Variants in CYTIP observed in about 807,000 individuals in gnomAD.
CYTIP encodes the protein cytohesin 1 interacting protein.
CYTIP carries 26 observed loss-of-function variants against 43.8 expected under a neutral mutation model. That is an observed-to-expected ratio of 0.59 (90% confidence interval 0.44 to 0.82). The LOEUF is 0.82. Ranked by LOEUF, CYTIP falls within the 40% of genes least tolerant of loss-of-function variation. The pLI is 0.00. For synonymous variants in CYTIP, 162 were observed against 162.9 expected, an observed-to-expected ratio of 0.99 and a Z score of 0.04; for missense variants, 426 against 443.1, an observed-to-expected ratio of 0.96 and a Z score of 0.35.
At chr2:157,437,011 A>G (rs929786504) in intron 1 of CYTIP, among the ~76,000 whole-genome samples, 2 of 152,196 alleles carry the variant, frequency 1.3e-5, no homozygotes, top group African/African-American at 2.4e-5. Context: ...ATCCATATGC[A>G]GAAGAAAGAA....
intron 5 of CYTIP, among the ~76,000 whole-genome samples, chr2:157,429,424 A>G (rs1685665976): frequency 6.6e-6 from 1 of 152,194 alleles, no homozygotes; most frequent in South Asian, 2.1e-4. Flanking sequence ...ACCTAGCATG[A>G]CAGGCCATTG....
At chr2:157,427,530 C>G (rs1685632701) in intron 5 of CYTIP, 110 bp from the exon 6 acceptor site, 5 of 688,826 alleles carry the variant, frequency 7.3e-6, no homozygotes. Flanking sequence ...ACATACTATA[C>G]TAAAAACGAA....
chr2:157,437,676 G>T (rs1179817989), intron 1 of CYTIP, among the ~76,000 whole-genome samples: 1 of 140,142 alleles, frequency 7.1e-6, no homozygotes, highest in Non-Finnish European at 1.5e-5. Flanking sequence ...CTCCAGCCTG[G>T]CGACAGAGTG....
intron 7 of CYTIP, among the ~76,000 whole-genome samples, chr2:157,417,091 G>A (rs745493189): frequency 6.6e-6 from 1 of 151,962 alleles, no homozygotes; most frequent in Non-Finnish European, 1.5e-5. Flanking sequence ...ACTCTAAAAT[G>A]GTTTTATTTT....
chr2:157,429,514 T>C (rs1685668139), intron 5 of CYTIP, among the ~76,000 whole-genome samples: 1 of 152,198 alleles, frequency 6.6e-6, no homozygotes, highest in Admixed American at 6.5e-5. Flanking sequence ...TCTGAGCCAT[T>C]TCCTTCCATA....
chr2:157,434,098 C>A (rs1685755510), intron 3 of CYTIP: 1 of 491,730 alleles, frequency 2.0e-6, no homozygotes, highest in African/African-American at 2.0e-5. Flanking sequence ...TGATACCAAC[C>A]TAGCTGATCA....
intron 1 of CYTIP, among the ~76,000 whole-genome samples, chr2:157,436,090 C>A (rs994296823): frequency 6.6e-6 from 1 of 152,138 alleles, no homozygotes; most frequent in African/African-American, 2.4e-5. Flanking sequence ...TTATATTTTC[C>A]TCTTTTGTTA....
At chr2:157,423,117 C>G (rs1685550572) in intron 6 of CYTIP, among the ~76,000 whole-genome samples, 1 of 150,616 alleles carries the variant, frequency 6.6e-6, no homozygotes, top group Admixed American at 6.6e-5. Context: ...AGAAAGAGCA[C>G]TATAAGATCT....
chr2:157,441,756 T>C (rs918952686), intron 1 of CYTIP, among the ~76,000 whole-genome samples: 1 of 152,168 alleles, frequency 6.6e-6, no homozygotes, highest in African/African-American at 2.4e-5. Flanking sequence ...CAGATGTGAC[T>C]CCTCCGTCTT....
At chr2:157,416,363 G>A (rs1685440692) in intron 7 of CYTIP, among the ~76,000 whole-genome samples, 1 of 152,054 alleles carries the variant, frequency 6.6e-6, no homozygotes, top group Admixed American at 6.5e-5. Context: ...AAGGTTCCAT[G>A]GTCACAAAAA....
At chr2:157,427,205 T>C (rs1685625876) in intron 6 of CYTIP, 146 bp downstream of exon 6, 1 of 639,622 alleles carries the variant, frequency 1.6e-6, no homozygotes, top group South Asian at 2.0e-5. Context: ...CCAAAGGTAA[T>C]TGTGCGGCTC....
rs748797841 is a variant in CYTIP at position 157,415,968 on chromosome 2, C to G, written c.789G>C (p.Thr263=). Residue 263 remains threonine (T), a synonymous_variant, in exon 8 of 8, where the codon ACG becomes ACC. Transcript: ENST00000264192. ...CCCTGCTGGAGTCCTCAGACACACA[C>G]GTCTGGTAGCCATCTTCACTGTCCA... ...MTMDSEDGYQ[T]CVSEDSSRGA... 3 of 1,614,242 alleles carry G rather than the reference C, an allele frequency of 1.9e-6. No individual in the cohort carries two copies. Among genetic ancestry groups the G allele is most frequent in the African/African-American group, 1.3e-5 (1 of 75,070 alleles).
At chr2:157,441,329 T>G (rs1049010889) in intron 1 of CYTIP, among the ~76,000 whole-genome samples, 1 of 152,200 alleles carries the variant, frequency 6.6e-6, no homozygotes, top group African/African-American at 2.4e-5. Flanking sequence ...TTTGGAAGAT[T>G]GTGAAATGTT....
At chr2:157,430,237 A>T (rs1293452104) in intron 5 of CYTIP, among the ~76,000 whole-genome samples, 1 of 152,120 alleles carries the variant, frequency 6.6e-6, no homozygotes, top group Non-Finnish European at 1.5e-5. Context: ...TGAAAATTGG[A>T]TCAGTTCTTC....
At chr2:157,421,758 A>G (rs1435062234) in intron 6 of CYTIP, among the ~76,000 whole-genome samples, 3 of 152,184 alleles carry the variant, frequency 2.0e-5, no homozygotes, top group Non-Finnish European at 4.4e-5. Flanking sequence ...CACAAAATAA[A>G]TGTCACTGTG....
At position 157,418,528 on chromosome 2, in the gene CYTIP, A is replaced by G; in HGVS notation, c.608T>C (p.Leu203Pro). Residue 203 changes from leucine to proline, a missense_variant, in exon 7 of 8, where the codon CTT (leucine) becomes CCT (proline). Physicochemically the swap from Leu to Pro is moderately conservative, Grantham distance 98. Coordinates refer to ENST00000264192, the MANE Select transcript of CYTIP (RefSeq NM_004288.5). ...RSLQLQEHRL[L>P]HGDAANCPSL... The stretch of plus-strand genomic sequence containing the variant: ...GAACAGGAAATTGCATTTACCATGA[A>G]GCAGACGATGTTCCTGTAACTGCAG... The G allele has an allele frequency of 6.3e-7, 1 of 1,595,602 alleles. No homozygotes were observed. The highest frequency in any genetic ancestry group is 8.5e-7 in the Non-Finnish European group (1 of 1,171,096).
chr2:157,421,733 G>C (rs3769376), intron 6 of CYTIP, among the ~76,000 whole-genome samples: 5,269 of 152,264 alleles, frequency 0.035, 201 homozygotes, highest in Admixed American at 0.092. Context: ...AAAGAATGCT[G>C]ACTTACACAG....
chr2:157,438,071 C>T (rs939716646), intron 1 of CYTIP, among the ~76,000 whole-genome samples: 2 of 152,308 alleles, frequency 1.3e-5, no homozygotes, highest in Middle Eastern at 3.4e-3. Context: ...GACATCTGCA[C>T]TCCCATGTTT....
chr2:157,438,154 A>T (rs1685842934), intron 1 of CYTIP, among the ~76,000 whole-genome samples: 2 of 152,244 alleles, frequency 1.3e-5, no homozygotes, highest in South Asian at 4.1e-4. Context: ...ATGGATAAAG[A>T]AAATGTGGTA....
Sources: allele counts gnomAD v4.1 joint callset (sites outside exome capture counted in the v4.1 genomes callset), GRCh38; gene constraint gnomAD v4.1.1; transcripts MANE v1.5; gene names NCBI Gene and HGNC (gene_info 2026-07-23, HGNC 2026-07-21).